The following HDAC9 variants were observed in gnomAD, a reference collection of about 807,000 sequenced individuals.
HDAC9 encodes the protein histone deacetylase 9, also known as MEF-2 interacting transcription repressor (MITR) protein.
In HDAC9, 41 loss-of-function variants were observed where a neutral mutation model predicts 139.4. That is an observed-to-expected ratio of 0.29 (90% CI 0.23 to 0.38). The LOEUF is 0.38. Among genes scored for constraint, HDAC9 ranks in the 10% least tolerant of loss-of-function variants. The probability of loss-of-function intolerance (pLI) is 1.00; values close to 1 mark genes in which losing one functional copy is unlikely to be tolerated. For missense variants in HDAC9, 1,147 were observed against 1,297.0 expected (o/e 0.88, Z 1.78); for synonymous variants, 517 against 476.2 (o/e 1.09, Z -1.12).
intron 23 of HDAC9, among the ~76,000 whole-genome samples, chr7:18,953,474 T>C: frequency 6.6e-6 from 1 of 152,118 alleles, no homozygotes; most frequent in East Asian, 1.9e-4. Context: ...GCTGAGCTTC[T>C]CCATGAAAAA....
At chr7:18,445,045 A>T (rs571765372) in intron 1 of HDAC9, among the ~76,000 whole-genome samples, 1 of 152,314 alleles carries the variant, frequency 6.6e-6, no homozygotes, top group South Asian at 2.1e-4. Flanking sequence ...CTATGGCCTG[A>T]AAAATTCCTG....
At chr7:18,727,324 C>G (rs1785627787) in intron 12 of HDAC9, among the ~76,000 whole-genome samples, 1 of 152,254 alleles carries the variant, frequency 6.6e-6, no homozygotes, top group Non-Finnish European at 1.5e-5. Context: ...TCAGTTCAAA[C>G]TGACAGGCCT....
chr7:18,694,823 T>C (rs1418939880), intron 12 of HDAC9, among the ~76,000 whole-genome samples: 1 of 152,176 alleles, frequency 6.6e-6, no homozygotes, highest in African/African-American at 2.4e-5. Context: ...AATGGAACTT[T>C]TTCTTCAAAG....
Position 18,359,883 on chromosome 7 carries a change from A to G in HDAC9, c.-42+69368A>G, listed in dbSNP as rs144738290. Among the ~76,000 whole-genome samples, 1,368 of 152,292 alleles carry G rather than the reference A, an allele frequency of 9.0e-3. 47 individuals carry two copies. Among genetic ancestry groups the G allele is most frequent in the Admixed American group, 0.055 (842 of 15,282 alleles). ...CTCGGCCTCCCAAAGTGCTGAGAAT[A>G]CAGGTGTGAGCCACCGTGCCTGGCC... is the stretch of plus-strand genomic sequence containing the variant. On this transcript the variant is annotated intron_variant, in intron 1 of 3. Transcript: ENST00000413509.
At chr7:18,145,865 T>C (rs1008165720) in intron 1 of HDAC9, among the ~76,000 whole-genome samples, 11 of 152,094 alleles carry the variant, frequency 7.2e-5, no homozygotes, top group Non-Finnish European at 1.6e-4. Flanking sequence ...TGTGTTACTT[T>C]GAGGAAGCTC....
At chr7:18,695,644 G>T (rs1584860513) in intron 12 of HDAC9, among the ~76,000 whole-genome samples, 1 of 152,140 alleles carries the variant, frequency 6.6e-6, no homozygotes, top group South Asian at 2.1e-4. Context: ...TTGATGTCAG[G>T]TTTGTGTTCC....
At chr7:18,269,900 A>G (rs1015923005) in intron 2 of HDAC9, among the ~76,000 whole-genome samples, 2 of 152,078 alleles carry the variant, frequency 1.3e-5, no homozygotes, top group African/African-American at 2.4e-5. Context: ...CATTGAGGTG[A>G]AAAGATCTCT....
At chr7:18,358,582 A>G (rs1783516961) in intron 1 of HDAC9, among the ~76,000 whole-genome samples, 1 of 152,226 alleles carries the variant, frequency 6.6e-6, no homozygotes, top group Non-Finnish European at 1.5e-5. Flanking sequence ...AAATTGAAAT[A>G]TGGGAGCAGA....
At chr7:18,498,921 A>G (rs553512694) in intron 2 of HDAC9, among the ~76,000 whole-genome samples, 2 of 152,182 alleles carry the variant, frequency 1.3e-5, no homozygotes, top group Admixed American at 6.6e-5. Flanking sequence ...AAGCCACATG[A>G]GTTACATTGT....
chr7:18,577,098 T>C (rs1357631184), intron 2 of HDAC9, among the ~76,000 whole-genome samples: 1 of 152,232 alleles, frequency 6.6e-6, no homozygotes, highest in African/African-American at 2.4e-5. Flanking sequence ...AGGGAAACTT[T>C]TTTTAGTCTC....
At chr7:18,659,826 A>T (rs2129057772) in intron 11 of HDAC9, among the ~76,000 whole-genome samples, 1 of 152,242 alleles carries the variant, frequency 6.6e-6, no homozygotes, top group East Asian at 1.9e-4. Context: ...TGTCCCACAG[A>T]TGTTTCGTCT....
At chr7:18,610,383 C>T (rs1446602258) in intron 6 of HDAC9, among the ~76,000 whole-genome samples, 3 of 151,940 alleles carry the variant, frequency 2.0e-5, no homozygotes, top group Admixed American at 1.3e-4. Flanking sequence ...TGCAGTAATG[C>T]TCTCCCTCCA....
intron 2 of HDAC9, among the ~76,000 whole-genome samples, chr7:18,181,596 T>C (rs1201468294): frequency 6.6e-6 from 1 of 152,194 alleles, no homozygotes; most frequent in African/African-American, 2.4e-5. Flanking sequence ...AATTCAGGTG[T>C]ATATATTGAG....
chr7:18,496,429 G>C (rs903363030), intron 2 of HDAC9, 105 bp downstream of exon 2: 7 of 957,704 alleles, frequency 7.3e-6, no homozygotes, highest in Non-Finnish European at 1.1e-5. Context: ...CTGCTTTTTC[G>C]TGTTGATGTT....
At chr7:18,911,582 G>A (rs566088263) in intron 22 of HDAC9, among the ~76,000 whole-genome samples, 4 of 148,976 alleles carry the variant, frequency 2.7e-5, no homozygotes, top group Non-Finnish European at 6.0e-5. Context: ...TGCTATTCTA[G>A]TTTTTTTTTA....
At chr7:18,931,806 C>G (rs1804767138) in intron 22 of HDAC9, among the ~76,000 whole-genome samples, 1 of 152,006 alleles carries the variant, frequency 6.6e-6, no homozygotes, top group Non-Finnish European at 1.5e-5. Context: ...AAGACTATGA[C>G]AATTAAAAGA....
chr7:18,208,651 C>T (rs550890614), intron 2 of HDAC9, among the ~76,000 whole-genome samples: 2 of 152,268 alleles, frequency 1.3e-5, no homozygotes, highest in South Asian at 2.1e-4. Context: ...GTTGTGATTA[C>T]AGGCCTGAGC....
At chr7:18,424,693 G>C (rs1271399737) in intron 1 of HDAC9, among the ~76,000 whole-genome samples, 2 of 152,166 alleles carry the variant, frequency 1.3e-5, no homozygotes, top group African/African-American at 4.8e-5. Flanking sequence ...CAGATCACCT[G>C]AGGTCAGGAG....
Position 18,997,411 on chromosome 7 carries a change from A to G in HDAC9, c.*1349A>G, listed in dbSNP as rs183936715. The G allele has an allele frequency of 5.4e-4, 82 of 152,270 alleles. No homozygotes were observed. Among genetic ancestry groups the G allele is most frequent in the Admixed American group, 3.9e-3 (59 of 15,292 alleles). 9.4% of individuals were successfully genotyped at this position (152,270 alleles called of 1,614,324 possible). On this transcript the variant is annotated 3_prime_UTR_variant, in exon 26 of 26. Coordinates refer to ENST00000686413, the MANE Select transcript of HDAC9 (RefSeq NM_178425.4). The stretch of plus-strand genomic sequence containing the variant: ...AGATAAAAAGTAACTTACTAAATAT[A>G]AGTAGGTTATCCTCCTACCTCCTAA...
Sources: allele counts gnomAD v4.1 joint callset (sites outside exome capture counted in the v4.1 genomes callset), GRCh38; gene constraint gnomAD v4.1.1; transcripts MANE v1.5; gene names NCBI Gene and HGNC (gene_info 2026-07-23, HGNC 2026-07-21).